SIN3A: variants seen among roughly 807,000 people sequenced by gnomAD.
SIN3A encodes paired amphipathic helix protein Sin3a.
In SIN3A, 14 loss-of-function variants were observed where a neutral mutation model predicts 146.1. The ratio of observed to expected loss-of-function variants is 0.10; its 90% CI spans 0.06 to 0.15. SIN3A has a LOEUF of 0.15. SIN3A is among the 10% of genes least tolerant of loss of function. The pLI is 1.00. For synonymous variants in SIN3A, 572 were observed against 572.0 expected, an observed-to-expected ratio of 1.00 and a Z score of 0.00; for missense variants, 1,028 against 1,576.0, an observed-to-expected ratio of 0.65 and a Z score of 5.89.
chr15:75,447,221 G>A (rs1314532456), intron 1 of SIN3A, among the ~76,000 whole-genome samples: 1 of 152,220 alleles, frequency 6.6e-6, no homozygotes, highest in Non-Finnish European at 1.5e-5. Flanking sequence ...AAGAGCCGCA[G>A]TAACAAAACA....
intron 2 of SIN3A, among the ~76,000 whole-genome samples, chr15:75,424,739 C>T (rs2073896578): frequency 6.6e-6 from 1 of 152,150 alleles, no homozygotes. Context: ...TCCCAAAGTG[C>T]TGGGGTTATA....
Position 75,371,630 on chromosome 15 carries a change from G to T in SIN3A, c.*349C>A. The T allele has an allele frequency of 4.2e-6, 1 of 238,034 alleles. No homozygotes were observed. Among genetic ancestry groups the T allele is most frequent in the Non-Finnish European group, 8.1e-6 (1 of 123,406 alleles). The allele number at this position is 238,034 out of a possible 1,614,324, so 14.7% of individuals were successfully genotyped here. On this transcript the variant is annotated 3_prime_UTR_variant, in exon 21 of 21. Transcript: ENST00000394947. ...TCCAGTCAAAGTGTGAACAGCATCC[G>T]GTTCCCTCATTGAAAGTTAGGCCAC...
At position 75,402,932 on chromosome 15, in the gene SIN3A, C is replaced by T. The variant is rs1439132958; in HGVS notation, c.1408-962G>A. On this transcript the variant is annotated intron_variant, in intron 9 of 20. Coordinates refer to ENST00000394947, the MANE Select transcript of SIN3A (RefSeq NM_001145358.2). ...TTACAGGCGTTTGAGCCACTGTACC[C>T]AGCCACAAAAAGGAGTCATTTTTAA... Among the ~76,000 whole-genome samples, 4 of 152,090 alleles carry T rather than the reference C, an allele frequency of 2.6e-5. No individual in the cohort carries two copies. In the East Asian group the frequency reaches 7.8e-4, roughly 30 times the overall value.
At chr15:75,436,433 T>C (rs942054389) in intron 1 of SIN3A, 5 of 152,296 alleles carry the variant, frequency 3.3e-5, no homozygotes, top group African/African-American at 1.2e-4. Context: ...ATCTCGCTAC[T>C]GCACTCGAGC....
In SIN3A at chr15:75,400,757, A is replaced by G; in HGVS notation, c.1710T>C (p.Cys570=). 3 of 1,613,986 alleles carry G rather than the reference A, an allele frequency of 1.9e-6. No individual in the cohort carries two copies. Among genetic ancestry groups the G allele is most frequent in the Non-Finnish European group, 2.5e-6 (3 of 1,179,998 alleles). Residue 570 remains cysteine, a synonymous_variant, in exon 11 of 21, where the codon TGT becomes TGC. Transcript: ENST00000394947. The stretch of plus-strand genomic sequence containing the variant: ...CTTTACAGAGAGGAGTCCGTCCTGT[A>G]CACTTGGGCTGCTGGTAACTCTTTG... The part of the protein sequence containing the change: ...ALPKSYQQPK[C]TGRTPLCKEV...
rs2072751730 is a variant in SIN3A at position 75,371,537 on chromosome 15, G to A, written c.*442C>T. The A allele has an allele frequency of 6.3e-6, 1 of 159,410 alleles. No homozygotes were observed. Among genetic ancestry groups the A allele is most frequent in the Non-Finnish European group, 1.4e-5 (1 of 72,962 alleles). The allele number at this position is 159,410 out of a possible 1,614,324, so 9.9% of individuals were successfully genotyped here. A position where few individuals can be genotyped will look rare whatever the true frequency, so the allele number is the denominator to read the frequency against. On this transcript the variant is annotated 3_prime_UTR_variant, in exon 21 of 21. Transcript: ENST00000394947. ...TTTGTGGGGAGGGGAGAGGAGCAGT[G>A]ACCATGATAGTTCCAATCCATCTGA...
At chr15:75,417,606 T>G (rs1418640739) in intron 3 of SIN3A, among the ~76,000 whole-genome samples, 3 of 152,204 alleles carry the variant, frequency 2.0e-5, no homozygotes, top group South Asian at 4.2e-4. Context: ...CTTGAACTCC[T>G]GACCTCAACT....
chr15:75,400,407 C>T (rs181357256), intron 11 of SIN3A, among the ~76,000 whole-genome samples: 1 of 152,138 alleles, frequency 6.6e-6, no homozygotes, highest in East Asian at 1.9e-4. Flanking sequence ...GTGACCCAAT[C>T]TTTACAAAAC....
At chr15:75,378,314 C>T (rs2072903463) in intron 19 of SIN3A, among the ~76,000 whole-genome samples, 1 of 152,194 alleles carries the variant, frequency 6.6e-6, no homozygotes, top group South Asian at 2.1e-4. Context: ...CCCGTAATCA[C>T]AGCACTTTGG....
chr15:75,431,666 C>A (rs1005368053), intron 1 of SIN3A, among the ~76,000 whole-genome samples: 1 of 149,852 alleles, frequency 6.7e-6, no homozygotes, highest in Admixed American at 6.7e-5. Context: ...AAAAAAAAAT[C>A]TTTACCTAAT....
upstream of SIN3A, chr15:75,455,784 A>G (rs1485472639): frequency 6.6e-6 from 1 of 152,122 alleles, no homozygotes; most frequent in Non-Finnish European, 1.5e-5. Flanking sequence ...GCTGTTTAAC[A>G]TACCTTCCGA....
chr15:75,393,006 G>A (rs533746981), intron 14 of SIN3A, among the ~76,000 whole-genome samples, 191 bp from the exon 15 acceptor site: 4 of 152,204 alleles, frequency 2.6e-5, no homozygotes, highest in Non-Finnish European at 5.9e-5. Flanking sequence ...CGAGGAGGGT[G>A]ATCACTTGAG....
intron 8 of SIN3A, among the ~76,000 whole-genome samples, chr15:75,408,701 C>A (rs1398378080): frequency 6.6e-6 from 1 of 152,206 alleles, no homozygotes; most frequent in Non-Finnish European, 1.5e-5. Context: ...CCCTCTGCTA[C>A]AGCCCAAAGG....
At chr15:75,432,073 A>G (rs1416434824) in intron 1 of SIN3A, among the ~76,000 whole-genome samples, 2 of 152,224 alleles carry the variant, frequency 1.3e-5, no homozygotes, top group African/African-American at 4.8e-5. Context: ...AATAATTTAA[A>G]ATGTCTTAGC....
rs77230587 is a variant in SIN3A at position 75,375,567 on chromosome 15, T to C, written c.3591+98A>G. 1.1e-3 allele frequency: 979 copies of C among 922,030 alleles called. 10 individuals are homozygous for C. The East Asian group carries it at 0.02, about 19-fold the overall frequency. The allele number at this position is 922,030 out of a possible 1,614,324, so 57.1% of individuals were successfully genotyped here. A position where few individuals can be genotyped will look rare whatever the true frequency, so the allele number is the denominator to read the frequency against. On this transcript the variant is annotated intron_variant, in intron 20 of 20. Coordinates refer to ENST00000394947, the MANE Select transcript of SIN3A (RefSeq NM_001145358.2). ...TTAAGTCTCAGCTCCAAGAACAGGT[T>C]TGCATAAACAAAGAAAAACAATCAG...
intron 15 of SIN3A, among the ~76,000 whole-genome samples, chr15:75,390,255 G>A (rs1425562147): frequency 2.6e-5 from 4 of 152,180 alleles, no homozygotes; most frequent in Non-Finnish European, 5.9e-5. Flanking sequence ...GTACAGATGA[G>A]GAAAGGCAGA....
Position 75,414,285 on chromosome 15 carries a change from G to A in SIN3A, c.393C>T (p.Asp131=). 6.5e-7 allele frequency: 1 copy of A among 1,550,378 alleles called. No individual in the cohort carries two copies. The highest frequency in any genetic ancestry group is 8.8e-7 in the Non-Finnish European group (1 of 1,139,248). The change falls in exon 4 of 21, where the codon GAC becomes GAT. Residue 131 remains aspartate (D), a synonymous_variant. Coordinates refer to ENST00000394947, the MANE Select transcript of SIN3A (RefSeq NM_001145358.2). Reference sequence around the variant, plus strand: ...GACTACCAAACTGCAGCTTCACCTGGTCAAGATAAGATAGCGCATCCTCCA... The same window carrying A: ...GACTACCAAACTGCAGCTTCACCTGATCAAGATAAGATAGCGCATCCTCCA... ...LKVEDALSYL[D]QVKLQFGSQP...
In SIN3A at chr15:75,369,552, G is replaced by A. The variant is rs1223555548; in HGVS notation, c.*2427C>T. The A allele has an allele frequency of 6.6e-6, 1 of 152,228 alleles. No individual in the cohort carries two copies. Among genetic ancestry groups the A allele is most frequent in the Non-Finnish European group, 1.5e-5 (1 of 68,052 alleles). 9.4% of individuals were successfully genotyped at this position (152,228 alleles called of 1,614,324 possible). On this transcript the variant is annotated 3_prime_UTR_variant, in exon 21 of 21. Coordinates refer to ENST00000394947, the MANE Select transcript of SIN3A (RefSeq NM_001145358.2). ...CTTGGAGCTCAGATGTCAGACAGCA[G>A]GAGGAATAAAAATGCTACTTGTGAA...
At chr15:75,439,678 T>C (rs2074168358) in intron 1 of SIN3A, among the ~76,000 whole-genome samples, 1 of 151,834 alleles carries the variant, frequency 6.6e-6, no homozygotes, top group Non-Finnish European at 1.5e-5. Context: ...TGATACACCT[T>C]TAACCCGCAT....
Sources: allele counts gnomAD v4.1 joint callset (sites outside exome capture counted in the v4.1 genomes callset), GRCh38; gene constraint gnomAD v4.1.1; transcripts MANE v1.5; gene names NCBI Gene and HGNC (gene_info 2026-07-23, HGNC 2026-07-21).